Variants in EYS observed in about 807,000 individuals in gnomAD.
EYS encodes protein eyes shut homolog.
A neutral mutation model predicts 282.1 loss-of-function variants in EYS; 250 were observed. The ratio of observed to expected loss-of-function variants is 0.89; its 90% confidence interval spans 0.80 to 0.98. EYS has a LOEUF of 0.98. Among genes scored for constraint, EYS ranks in the 50% least tolerant of loss-of-function variants. The pLI, the probability that EYS is intolerant of heterozygous loss-of-function variation, is 0.00. For synonymous variants in EYS, 1,355 were observed against 1,282.9 expected, an observed-to-expected ratio of 1.06 and a Z score of -1.20; for missense variants, 4,016 against 3,709.0, an observed-to-expected ratio of 1.08 and a Z score of -2.15.
chr6:65,399,430 GA>G (rs1766409897), intron 7 of EYS, among the ~76,000 whole-genome samples: 1 of 151,748 alleles, frequency 6.6e-6, no homozygotes, highest in African/African-American at 2.4e-5. Flanking sequence ...AAATTAGTTA[GA>G]AAATATTCTA....
At chr6:64,278,536 CTGT>C (rs1768194067) in intron 30 of EYS, among the ~76,000 whole-genome samples, 1 of 152,054 alleles carries the variant, frequency 6.6e-6, no homozygotes, top group Non-Finnish European at 1.5e-5. Context: ...AAAAATTAAA[CTGT>C]TTACTGTAAT....
At chr6:64,739,128 C>T (rs1195167317) in intron 22 of EYS, among the ~76,000 whole-genome samples, 1 of 152,160 alleles carries the variant, frequency 6.6e-6, no homozygotes, top group African/African-American at 2.4e-5. Context: ...CCTCTATAGC[C>T]TCAGACAATC....
rs534042778 is a variant in EYS, at chr6:64,585,605, A to G, written c.5644+4618T>C. Among the ~76,000 whole-genome samples, 38 of 151,652 alleles carry G rather than the reference A, an allele frequency of 2.5e-4. 1 individual carries two copies. Among genetic ancestry groups the G allele is most frequent in the Middle Eastern group, 3.4e-3 (1 of 294 alleles). ...ACAATGCATCAACAGAATTCAGTAA[A>G]TAATCTTTCTCTATGGACTCACAAT... On this transcript the variant is annotated intron_variant, in intron 26 of 42. Coordinates refer to ENST00000503581, the MANE Select transcript of EYS (RefSeq NM_001142800.2).
intron 2 of EYS, among the ~76,000 whole-genome samples, chr6:65,529,323 C>T (rs930475665): frequency 1.3e-5 from 2 of 152,118 alleles, no homozygotes; most frequent in African/African-American, 4.8e-5. Flanking sequence ...GGCCTATATG[C>T]TTGTATCACC....
intron 18 of EYS, among the ~76,000 whole-genome samples, chr6:64,897,360 G>T (rs1767507342): frequency 6.6e-6 from 1 of 152,126 alleles, no homozygotes; most frequent in African/African-American, 2.4e-5. Context: ...GCAGAAGAGG[G>T]CCTGACTGTT....
chr6:65,062,270 T>C (rs9345594), intron 12 of EYS, among the ~76,000 whole-genome samples: 6,935 of 152,018 alleles, frequency 0.046, 212 homozygotes, highest in Middle Eastern at 0.068. Context: ...CCTTATTAAC[T>C]GTGATAAATA....
At chr6:64,356,524 C>A (rs1771828399) in intron 29 of EYS, among the ~76,000 whole-genome samples, 1 of 151,570 alleles carries the variant, frequency 6.6e-6, no homozygotes. Flanking sequence ...ATATTTAAAT[C>A]ATAATTCAAA....
At chr6:64,882,107 AGC>A (rs1766943199) in intron 19 of EYS, among the ~76,000 whole-genome samples, 1 of 151,766 alleles carries the variant, frequency 6.6e-6, no homozygotes, top group Non-Finnish European at 1.5e-5. Flanking sequence ...TAGTAAGCAA[AGC>A]CCATGGAAGA....
At chr6:65,697,658 G>A (rs1380380524) in intron 1 of EYS, among the ~76,000 whole-genome samples, 1 of 149,794 alleles carries the variant, frequency 6.7e-6, no homozygotes, top group African/African-American at 2.5e-5. Flanking sequence ...CAAACGATTG[G>A]GTCCGAGGCA....
intron 19 of EYS, among the ~76,000 whole-genome samples, chr6:64,880,570 C>T (rs564380086): frequency 6.6e-6 from 1 of 151,444 alleles, no homozygotes; most frequent in South Asian, 2.1e-4. Context: ...ATCTTGAACC[C>T]AAACCTAATC....
At chr6:64,787,570 A>C (rs1774063628) in intron 22 of EYS, among the ~76,000 whole-genome samples, 1 of 151,728 alleles carries the variant, frequency 6.6e-6, no homozygotes, top group African/African-American at 2.4e-5. Context: ...AGCCCTTCAC[A>C]ATCTAAAAAT....
chr6:64,354,701 T>C (rs1007586753), intron 29 of EYS, among the ~76,000 whole-genome samples: 3 of 151,594 alleles, frequency 2.0e-5, no homozygotes, highest in Non-Finnish European at 3.0e-5. Context: ...TTAAGAAATA[T>C]GTGTAATGGG....
intron 26 of EYS, among the ~76,000 whole-genome samples, chr6:64,442,542 G>A (rs1294941001): frequency 6.6e-6 from 1 of 152,180 alleles, no homozygotes; most frequent in Non-Finnish European, 1.5e-5. Flanking sequence ...AGGTCTTCAT[G>A]GCAGCCCCTC....
At position 65,353,725 on chromosome 6, in the gene EYS, A is replaced by G. The variant is rs1764372964; in HGVS notation, c.1300-108T>C. On this transcript the variant is annotated intron_variant, in intron 8 of 42. Coordinates refer to ENST00000503581, the MANE Select transcript of EYS (RefSeq NM_001142800.2). The stretch of plus-strand genomic sequence containing the variant: ...TTTAAAACCACAGTGATTATAGAAA[A>G]CTTTATGGGACACACTTTTTATACT... 3 of 799,130 alleles carry G rather than the reference A, an allele frequency of 3.8e-6. No individual in the cohort carries two copies. The East Asian group carries it at 8.1e-5, about 22-fold the overall frequency. The allele number at this position is 799,130 out of a possible 1,614,324, so 49.5% of individuals were successfully genotyped here. A position where few individuals can be genotyped will look rare whatever the true frequency, so the allele number is the denominator to read the frequency against.
intron 29 of EYS, among the ~76,000 whole-genome samples, chr6:64,373,770 C>G (rs2150415446): frequency 6.6e-6 from 1 of 152,236 alleles, no homozygotes; most frequent in Non-Finnish European, 1.5e-5. Flanking sequence ...GCTAAGTTCC[C>G]ATAGAAGCAG....
At chr6:65,457,162 G>GT (rs1166098790) in intron 5 of EYS, among the ~76,000 whole-genome samples, 14 of 151,782 alleles carry the variant, frequency 9.2e-5, no homozygotes, top group Admixed American at 2.6e-4. Context: ...TGTTGTTGTT[G>GT]TGTTTTATTT....
intron 2 of EYS, among the ~76,000 whole-genome samples, chr6:65,639,533 C>T (rs887766440): frequency 1.3e-5 from 2 of 151,898 alleles, no homozygotes; most frequent in African/African-American, 4.8e-5. Context: ...TGTGAAAACC[C>T]ATAGAATTGT....
intron 35 of EYS, among the ~76,000 whole-genome samples, chr6:63,980,701 T>C (rs2149789810): frequency 6.6e-6 from 1 of 151,922 alleles, no homozygotes; most frequent in Admixed American, 6.6e-5. Flanking sequence ...ATTTCTTCTT[T>C]TGAGAAAATA....
chr6:64,256,903 T>A (rs571309494), intron 30 of EYS, among the ~76,000 whole-genome samples: 1 of 152,160 alleles, frequency 6.6e-6, no homozygotes, highest in East Asian at 1.9e-4. Flanking sequence ...AATAAATCCA[T>A]ATCTCTCCAC....
Sources: gnomAD v4.1 joint callset for allele counts (sites outside exome capture counted in the v4.1 genomes callset) on GRCh38, gnomAD v4.1.1 for gene constraint, MANE v1.5 for transcripts, NCBI Gene and HGNC (gene_info 2026-07-23, HGNC 2026-07-21) for gene names.